CACNA2D1: variants seen among roughly 807,000 people sequenced by gnomAD.
CACNA2D1 encodes voltage-dependent calcium channel subunit alpha-2/delta-1.
CACNA2D1 carries 53 observed loss-of-function variants against 171.5 expected under a neutral mutation model. The ratio of observed to expected loss-of-function variants is 0.31; its 90% confidence interval spans 0.25 to 0.39. CACNA2D1 has a LOEUF of 0.39. CACNA2D1 is among the 10% of genes least tolerant of loss of function. The pLI is 1.00. For missense variants in CACNA2D1, 903 were observed against 1,299.8 expected (o/e 0.69, Z 4.69); for synonymous variants, 442 against 443.1 (o/e 1.00, Z 0.03).
At chr7:82,192,265 A>AG (rs1008300491) in intron 3 of CACNA2D1, among the ~76,000 whole-genome samples, 1 of 151,766 alleles carries the variant, frequency 6.6e-6, no homozygotes, top group African/African-American at 2.4e-5. Context: ...AAAATCACTT[A>AG]GTGCTGAGTG....
chr7:82,228,577 T>G (rs929351), intron 3 of CACNA2D1, among the ~76,000 whole-genome samples: 56,096 of 152,098 alleles, frequency 0.37, 11,446 homozygotes, highest in Admixed American at 0.46. Flanking sequence ...AGGAATTGTA[T>G]GCCTGTGATT....
intron 26 of CACNA2D1, 178 bp from the exon 27 acceptor site, chr7:81,970,915 G>C: frequency 1.7e-6 from 1 of 582,554 alleles, no homozygotes. Flanking sequence ...GGATGTTTAA[G>C]GAAGACATCT....
In CACNA2D1 at chr7:82,117,074, C is replaced by T; in HGVS notation, c.496G>A (p.Val166Ile). 6.2e-7 allele frequency: 1 copy of T among 1,613,816 alleles called. No individual in the cohort carries two copies. Among genetic ancestry groups the T allele is most frequent in the Non-Finnish European group, 8.5e-7 (1 of 1,179,834 alleles). The change falls in exon 6 of 39, where the codon GTC (valine) becomes ATC (isoleucine). Residue 166 changes from valine (V) to isoleucine (I), a missense_variant. This residue lies in a region of CACNA2D1 where 189 missense variants were observed against 266.8 expected (regional missense o/e 0.71). Transcript: ENST00000356860. ...GRQISYQHAA[V>I]HIPTDIYEGS... Reference sequence around the variant, plus strand: ...TCATAGATGTCAGTAGGAATATGGACTGCTGCGTGCTGATAAGATATTTGT... The same window carrying T: ...TCATAGATGTCAGTAGGAATATGGATTGCTGCGTGCTGATAAGATATTTGT...
chr7:82,001,659 C>CTGGA, intron 18 of CACNA2D1: 1 of 1,217,868 alleles, frequency 8.2e-7, no homozygotes, highest in Non-Finnish European at 1.1e-6. Flanking sequence ...TCACAGTTAC[C>CTGGA]TGGATATTGG....
intron 3 of CACNA2D1, among the ~76,000 whole-genome samples, chr7:82,216,618 C>G (rs926997192): frequency 6.6e-6 from 1 of 151,988 alleles, no homozygotes; most frequent in African/African-American, 2.4e-5. Flanking sequence ...TTTTCTGAAG[C>G]ATTCTGAAGC....
At chr7:82,362,154 T>G (rs2129447321) in intron 1 of CACNA2D1, among the ~76,000 whole-genome samples, 1 of 152,224 alleles carries the variant, frequency 6.6e-6, no homozygotes, top group South Asian at 2.1e-4. Flanking sequence ...CTTTATGAAA[T>G]ATAAAAGAAT....
chr7:82,115,860 C>T (rs973661450), intron 6 of CACNA2D1, among the ~76,000 whole-genome samples: 1 of 152,028 alleles, frequency 6.6e-6, no homozygotes, highest in African/African-American at 2.4e-5. Flanking sequence ...GAGCCTGGCA[C>T]TATTATGAGA....
At chr7:82,192,378 T>C (rs1798385397) in intron 3 of CACNA2D1, among the ~76,000 whole-genome samples, 1 of 151,070 alleles carries the variant, frequency 6.6e-6, no homozygotes, top group Non-Finnish European at 1.5e-5. Context: ...CCAAGTTATC[T>C]AGTTAACAAA....
At chr7:82,340,491 G>A (rs1265591730) in intron 2 of CACNA2D1, among the ~76,000 whole-genome samples, 3 of 150,554 alleles carry the variant, frequency 2.0e-5, no homozygotes, top group Non-Finnish European at 4.4e-5. Context: ...TTTATAAGTA[G>A]ATTGATAATA....
chr7:81,984,746 A>G lies in CACNA2D1; in HGVS notation c.1797-35T>C, dbSNP rs764332624. 3.3e-5 allele frequency: 36 copies of G among 1,088,744 alleles called. No homozygotes were observed. The East Asian group carries it at 8.6e-4, about 26-fold the overall frequency. The allele number at this position is 1,088,744 out of a possible 1,614,324, so 67.4% of individuals were successfully genotyped here. On this transcript the variant is annotated intron_variant, in intron 21 of 38. Coordinates refer to ENST00000356860, the MANE Select transcript of CACNA2D1 (RefSeq NM_000722.4). ...AAACAAGAGAAGCATAAACACAAAC[A>G]AACAAAAATGAAACATAACTTAAAA...
At chr7:82,167,947 T>G (rs1795638351) in intron 4 of CACNA2D1, among the ~76,000 whole-genome samples, 1 of 152,156 alleles carries the variant, frequency 6.6e-6, no homozygotes, top group South Asian at 2.1e-4. Flanking sequence ...ATAGAAGATT[T>G]AGTAATGGCT....
At chr7:82,314,381 G>T (rs1484655746) in intron 3 of CACNA2D1, among the ~76,000 whole-genome samples, 1 of 152,152 alleles carries the variant, frequency 6.6e-6, no homozygotes, top group East Asian at 1.9e-4. Context: ...GAATGTGAGA[G>T]AGCCAGAGAA....
At chr7:82,220,009 T>A (rs1022407348) in intron 3 of CACNA2D1, among the ~76,000 whole-genome samples, 7 of 152,098 alleles carry the variant, frequency 4.6e-5, no homozygotes, top group African/African-American at 1.7e-4. Context: ...TTTTTTTCCA[T>A]TAAAAATAGA....
At chr7:82,279,943 T>TA (rs1218361450) in intron 3 of CACNA2D1, among the ~76,000 whole-genome samples, 2 of 152,138 alleles carry the variant, frequency 1.3e-5, no homozygotes, top group Non-Finnish European at 2.9e-5. Flanking sequence ...CAAAACTAAT[T>TA]GGACCTAAAT....
At chr7:81,963,225 C>A (rs1794349249) in intron 34 of CACNA2D1, among the ~76,000 whole-genome samples, 1 of 151,808 alleles carries the variant, frequency 6.6e-6, no homozygotes, top group African/African-American at 2.4e-5. Flanking sequence ...TAAAAACTCT[C>A]AAAATTTTAA....
chr7:82,345,385 G>A (rs985171876), intron 2 of CACNA2D1, among the ~76,000 whole-genome samples: 4 of 152,140 alleles, frequency 2.6e-5, no homozygotes, highest in Admixed American at 6.6e-5. Flanking sequence ...CAATGCCACT[G>A]TAGAATGGGC....
intron 5 of CACNA2D1, among the ~76,000 whole-genome samples, chr7:82,131,047 C>G (rs1460008209): frequency 6.6e-6 from 1 of 152,098 alleles, no homozygotes; most frequent in African/African-American, 2.4e-5. Context: ...CGTGATCTGC[C>G]TGCCTCAGCC....
intron 6 of CACNA2D1, among the ~76,000 whole-genome samples, chr7:82,088,071 T>C (rs1810693456): frequency 6.6e-6 from 1 of 152,160 alleles, no homozygotes; most frequent in African/African-American, 2.4e-5. Context: ...GTAGAGTTTA[T>C]TTAGGAAGTT....
intron 3 of CACNA2D1, among the ~76,000 whole-genome samples, chr7:82,247,750 T>A (rs1805106233): frequency 6.6e-6 from 1 of 152,178 alleles, no homozygotes; most frequent in Admixed American, 6.5e-5. Context: ...TAAAACAAAT[T>A]AAACTGGTAA....
Sources: gnomAD v4.1 joint callset for allele counts (sites outside exome capture counted in the v4.1 genomes callset) on GRCh38, gnomAD v4.1.1 for gene constraint, gnomAD v4.1.1 regional missense constraint, MANE v1.5 for transcripts, NCBI Gene and HGNC (gene_info 2026-07-23, HGNC 2026-07-21) for gene names.